ZSCAN12: variants seen among roughly 807,000 people sequenced by gnomAD.
ZSCAN12 encodes zinc finger and SCAN domain containing 12.
Under a neutral mutation model 23.4 loss-of-function variants are expected in ZSCAN12, and 18 were observed. That is an observed-to-expected ratio of 0.77 (90% confidence interval 0.53 to 1.14). The LOEUF is 1.14. Ranked by LOEUF, ZSCAN12 falls within the 50% of genes most tolerant of loss-of-function variation. The pLI is 0.00. For synonymous variants in ZSCAN12, 186 were observed against 253.4 expected (o/e 0.73, Z 2.53); for missense variants, 650 against 735.0 (o/e 0.88, Z 1.34).
chr6:28,396,401 G>A lies in ZSCAN12; in HGVS notation c.402+1603C>T, dbSNP rs147578240. Among the ~76,000 whole-genome samples the A allele has an allele frequency of 2.0e-3, 303 of 152,194 alleles. 1 individual carries two copies. Among genetic ancestry groups the A allele is most frequent in the African/African-American group, 6.4e-3 (266 of 41,532 alleles). ...TTCCTGCAGTCTTTAACTTTGTTAG[G>A]AGTGTCTCCATTATACTAGTCTTTC... On this transcript the variant is annotated intron_variant, in intron 2 of 3. Transcript: ENST00000684592.
chr6:28,387,250 GA>G lies in ZSCAN12; in HGVS notation c.*3203del, dbSNP rs1189328547. 1.3e-5 allele frequency among the ~76,000 whole-genome samples: 2 copies of G among 152,170 alleles called. No homozygotes were observed. The highest frequency in any genetic ancestry group is 4.8e-5 in the African/African-American group (2 of 41,438). On this transcript the variant is annotated 3_prime_UTR_variant, in exon 4 of 4. Transcript: ENST00000684592. ...TATAAGAAAGATTAAGTAGTGTGCA[GA>G]AAGGCAAATGGAGGAATGTGCGCAA...
At chr6:28,382,964 G>A (rs369552368), downstream of ZSCAN12, among the ~76,000 whole-genome samples, 7 of 97,138 alleles carry the variant, frequency 7.2e-5, no homozygotes, top group East Asian at 1.5e-3. Context: ...AAACGGCAGA[G>A]ATAAGAACAT....
rs150335033 is a variant in ZSCAN12 at position 28,386,449 on chromosome 6, C to A, written c.*4005G>T. On this transcript the variant is annotated 3_prime_UTR_variant, in exon 4 of 4. Transcript: ENST00000684592. ...TTATTGTTATTTCAAAATCCACATA[C>A]ATAAAATGCTTCAGAGGTTTCTGGT... Among the ~76,000 whole-genome samples, 29 of 152,296 alleles carry A rather than the reference C, an allele frequency of 1.9e-4. No individual in the cohort carries two copies. The highest frequency in any genetic ancestry group is 2.6e-4 in the Admixed American group (4 of 15,294).
At position 28,390,514 on chromosome 6, in the gene ZSCAN12, C is replaced by A; in HGVS notation, c.1776G>T (p.Gln592His). ...VCKECGKSFR[Q>H]NSALTQHQTI... is the part of the protein sequence containing the mutation. ...TCTGATGTTGAGTAAGAGCTGAGTT[C>A]TGCCTGAATGATTTCCCACACTCTT... Residue 592 changes from glutamine (Q) to histidine (H), a missense_variant, in exon 4 of 4, where the codon CAG becomes CAT. Transcript: ENST00000684592. The A allele has an allele frequency of 1.3e-6, 2 of 1,553,024 alleles. No individual in the cohort carries two copies. The highest frequency in any genetic ancestry group is 1.7e-6 in the Non-Finnish European group (2 of 1,148,340).
chr6:28,378,889 T>C (rs930350699), downstream of ZSCAN12: 11 of 152,278 alleles, frequency 7.2e-5, no homozygotes, highest in African/African-American at 2.4e-4. Flanking sequence ...TTTTATATAA[T>C]AGTAATAGAG....
At chr6:28,379,027 C>G (rs1760088353) in exon 5 of ZSCAN12, 1 of 152,082 alleles carries the variant, frequency 6.6e-6, no homozygotes, top group Admixed American at 6.5e-5. Flanking sequence ...AGAGGGACAC[C>G]TAGAATTCTG....
At position 28,390,587 on chromosome 6, in the gene ZSCAN12, A is replaced by C. The variant is rs745995535; in HGVS notation, c.1703T>G (p.Leu568Arg). The C allele has an allele frequency of 2.1e-5, 34 of 1,602,322 alleles. No individual in the cohort carries two copies. Among genetic ancestry groups the C allele is most frequent in the Non-Finnish European group, 2.6e-5 (31 of 1,174,206 alleles). Reference sequence around the variant, plus strand: ...ATTATGGATTCTCTGGTGTTTACTAAGATCTGACCTCTGTCTGAAGGCTTT... The same window carrying C: ...ATTATGGATTCTCTGGTGTTTACTACGATCTGACCTCTGTCTGAAGGCTTT... Reference protein sequence around the residue: ...CGKAFRQRSDLSKHQRIHNRR... With the variant: ...CGKAFRQRSDRSKHQRIHNRR... The change falls in exon 4 of 4, where the codon CTT (leucine) becomes CGT (arginine). Residue 568 changes from leucine to arginine, a missense_variant. Physicochemically the swap from Leu to Arg is moderately radical, Grantham distance 102. Transcript: ENST00000684592.
Position 28,390,702 on chromosome 6 carries a change from A to C in ZSCAN12, c.1588T>G (p.Cys530Gly). The C allele has an allele frequency of 6.2e-7, 1 of 1,612,342 alleles. No homozygotes were observed. Among genetic ancestry groups the C allele is most frequent in the East Asian group, 2.2e-5 (1 of 44,814 alleles). Reference protein sequence around the residue: ...TGERPYKCDECGNAFRGITSL... With the variant: ...TGERPYKCDEGGNAFRGITSL... ...GTGATTCCTCGGAAGGCATTCCCAC[A>C]CTCATCACACTTGTAGGGCCTCTCT... The change falls in exon 4 of 4, where the codon TGT becomes GGT. Residue 530 changes from cysteine to glycine, a missense_variant. Cys to Gly is a radical substitution (Grantham distance 159). Coordinates refer to ENST00000684592, the MANE Select transcript of ZSCAN12 (RefSeq NM_001163391.2).
At position 28,390,927 on chromosome 6, in the gene ZSCAN12, C is replaced by T. The variant is rs759555347; in HGVS notation, c.1363G>A (p.Gly455Ser). The change falls in exon 4 of 4, where the codon GGC becomes AGC. Residue 455 changes from glycine (G) to serine (S), a missense_variant. Transcript: ENST00000684592. ...KECGKSFSQS[G>S]LIQHQRIHTG... Reference sequence around the variant, plus strand: ...TGAATTCTCTGATGCTGAATAAGGCCACTCTGACTGAAGGATTTCCCACAT... The same window carrying T: ...TGAATTCTCTGATGCTGAATAAGGCTACTCTGACTGAAGGATTTCCCACAT... The T allele has an allele frequency of 1.3e-6, 2 of 1,564,120 alleles. No homozygotes were observed. The highest frequency in any genetic ancestry group is 3.3e-4 in the Middle Eastern group (2 of 6,002).
exon 5 of ZSCAN12, chr6:28,379,237 T>G (rs563794718): frequency 1.5e-4 from 23 of 152,318 alleles, no homozygotes; most frequent in African/African-American, 5.1e-4. Flanking sequence ...CAATGTTTAT[T>G]ATGTGTTATC....
At chr6:28,378,922 C>A (rs1157416176), downstream of ZSCAN12, 2 of 152,012 alleles carry the variant, frequency 1.3e-5, no homozygotes, top group Non-Finnish European at 2.9e-5. Context: ...GTGTGATTTG[C>A]AGATACTGGA....
chr6:28,382,151 C>T (rs965677886), downstream of ZSCAN12: 3 of 179,782 alleles, frequency 1.7e-5, no homozygotes, highest in Non-Finnish European at 3.5e-5. Context: ...CCAGCATCAT[C>T]GATTGCCTCG....
intron 2 of ZSCAN12, among the ~76,000 whole-genome samples, chr6:28,395,634 A>G (rs901025959): frequency 6.6e-6 from 1 of 152,230 alleles, no homozygotes; most frequent in Non-Finnish European, 1.5e-5. Flanking sequence ...AAGTCAGATT[A>G]TATCTCGCTT....
chr6:28,397,870 C>T (rs973573439), intron 2 of ZSCAN12, 134 bp downstream of exon 2: 10 of 1,138,406 alleles, frequency 8.8e-6, no homozygotes, highest in South Asian at 4.2e-5. Flanking sequence ...GCCAACTTTC[C>T]GTGAAACTCA....
chr6:28,385,644 T>G lies in ZSCAN12; in HGVS notation c.*4810A>C, dbSNP rs1387198080. Among the ~76,000 whole-genome samples the G allele has an allele frequency of 6.6e-6, 1 of 152,204 alleles. No individual in the cohort carries two copies. The highest frequency in any genetic ancestry group is 1.9e-4 in the East Asian group (1 of 5,200). Reference sequence around the variant, plus strand: ...TGACCACATACTAACTTCGGGACCTTGAGCAGCTTTAGATTATCTATTTCA... The same window carrying G: ...TGACCACATACTAACTTCGGGACCTGGAGCAGCTTTAGATTATCTATTTCA... On this transcript the variant is annotated 3_prime_UTR_variant, in exon 4 of 4. Coordinates refer to ENST00000684592, the MANE Select transcript of ZSCAN12 (RefSeq NM_001163391.2).
At position 28,391,062 on chromosome 6, in the gene ZSCAN12, C is replaced by T. The variant is rs898361386; in HGVS notation, c.1228G>A (p.Gly410Ser). The change falls in exon 4 of 4, where the codon GGC (glycine) becomes AGC (serine). Residue 410 changes from glycine to serine, a missense_variant. Gly to Ser is a moderately conservative substitution (Grantham distance 56). Coordinates refer to ENST00000684592, the MANE Select transcript of ZSCAN12 (RefSeq NM_001163391.2). The surrounding 1 kb of genome is among the most constrained non-coding windows in gnomAD (Gnocchi z 4.1). The part of the protein sequence containing the change: ...ILTQHQGVHT[G>S]AKPYECNECG... ...TCGTTGCACTCATACGGCTTGGCGC[C>T]GGTATGAACTCCTTGATGCTGAGTA... is the stretch of plus-strand genomic sequence containing the variant. 8 of 1,554,006 alleles carry T rather than the reference C, an allele frequency of 5.1e-6. No homozygotes were observed. The highest frequency in any genetic ancestry group is 2.4e-5 in the East Asian group (1 of 41,222).
At chr6:28,383,000 A>T (rs1760348853), downstream of ZSCAN12, among the ~76,000 whole-genome samples, 1 of 151,630 alleles carries the variant, frequency 6.6e-6, no homozygotes, top group Non-Finnish European at 1.5e-5. Context: ...ACAACAGCTA[A>T]TATTTATTTA....
downstream of ZSCAN12, among the ~76,000 whole-genome samples, chr6:28,383,628 A>C (rs1429793715): frequency 2.6e-5 from 4 of 152,156 alleles, no homozygotes; most frequent in African/African-American, 4.8e-5. Context: ...ACGTCGGAAG[A>C]GCAGCTCGGA....
intron 2 of ZSCAN12, among the ~76,000 whole-genome samples, chr6:28,394,247 C>T (rs1280466173): frequency 6.6e-6 from 1 of 152,190 alleles, no homozygotes; most frequent in East Asian, 1.9e-4. Context: ...TCTAGTAGCT[C>T]TGTGACCTTG....
Sources: gnomAD v4.1 joint callset for allele counts (sites outside exome capture counted in the v4.1 genomes callset) on GRCh38, gnomAD v4.1.1 for gene constraint, Gnocchi (gnomAD v3.1) non-coding constraint, MANE v1.5 for transcripts, NCBI Gene and HGNC (gene_info 2026-07-23, HGNC 2026-07-21) for gene names.